The following USP48 variants were observed in gnomAD, a reference collection of about 807,000 sequenced individuals.
The protein encoded by USP48 is ubiquitin carboxyl-terminal hydrolase 48.
USP48 carries 43 observed loss-of-function variants against 150.7 expected under a neutral mutation model. That is an observed-to-expected ratio of 0.29 (90% CI 0.22 to 0.37). The LOEUF is 0.37. USP48 is among the 10% of genes least tolerant of loss of function. The pLI is 1.00. For missense variants in USP48, 813 were observed against 1,249.6 expected (o/e 0.65, Z 5.27); for synonymous variants, 396 against 425.9 (o/e 0.93, Z 0.86).
intron 15 of USP48, among the ~76,000 whole-genome samples, chr1:21,711,867 CG>C (rs1262376357): frequency 6.6e-6 from 1 of 152,200 alleles, no homozygotes; most frequent in Non-Finnish European, 1.5e-5. Context: ...CTGAATGGTA[CG>C]TCCAGAGCAC....
intron 1 of USP48, among the ~76,000 whole-genome samples, chr1:21,767,770 T>A (rs1391654328): frequency 6.6e-6 from 1 of 152,182 alleles, no homozygotes; most frequent in Non-Finnish European, 1.5e-5. Flanking sequence ...AAGTACAGAT[T>A]TTCCTGAAAG....
chr1:21,686,498 A>AC (rs11441631), intron 25 of USP48: 149,409 of 152,320 alleles, frequency 0.98, 73,327 homozygotes, highest in Non-Finnish European at 1. Context: ...CATATGTTGA[A>AC]CATCCTTGCA....
intron 8 of USP48, among the ~76,000 whole-genome samples, chr1:21,745,871 A>G (rs2097793350): frequency 2.0e-5 from 3 of 152,234 alleles, no homozygotes; most frequent in South Asian, 2.1e-4. Context: ...CATAAAGTGA[A>G]CTATAGCTAA....
intron 14 of USP48, among the ~76,000 whole-genome samples, chr1:21,719,122 G>C (rs1045050110): frequency 3.3e-5 from 5 of 150,126 alleles, no homozygotes; most frequent in Admixed American, 6.6e-5. Context: ...AAAATTAGCC[G>C]GGCATGGTGG....
chr1:21,756,492 AAAG>A, intron 3 of USP48, 51 bp downstream of exon 3: 1 of 1,536,496 alleles, frequency 6.5e-7, no homozygotes, highest in Non-Finnish European at 8.7e-7. Flanking sequence ...AAAAAAAAAA[AAAG>A]TTTAAAAAAA....
At chr1:21,776,609 A>G (rs2152653797) in intron 1 of USP48, among the ~76,000 whole-genome samples, 1 of 149,330 alleles carries the variant, frequency 6.7e-6, no homozygotes, top group African/African-American at 2.5e-5. Flanking sequence ...AAAAAAAAAA[A>G]AAAAAAAAAG....
intron 4 of USP48, 28 bp downstream of exon 4, chr1:21,752,964 T>TA (rs752184432): frequency 0.073 from 78,111 of 1,070,832 alleles, 1 homozygote; most frequent in East Asian, 0.082. Flanking sequence ...TCTGAATATT[T>TA]AAAAAAAAAA....
At chr1:21,741,765 C>T (rs1394148578) in intron 8 of USP48, among the ~76,000 whole-genome samples, 4 of 152,058 alleles carry the variant, frequency 2.6e-5, no homozygotes, top group African/African-American at 4.8e-5. Context: ...TGCTTAAGGC[C>T]GTAAGTCCGA....
chr1:21,749,880 G>C (rs532103628), intron 6 of USP48, among the ~76,000 whole-genome samples: 1 of 152,134 alleles, frequency 6.6e-6, no homozygotes. Context: ...TGGGATTATA[G>C]ACATGAGCCA....
chr1:21,687,153 A>G (rs888839575), intron 25 of USP48, 38 bp downstream of exon 25: 12 of 1,601,196 alleles, frequency 7.5e-6, no homozygotes, highest in Non-Finnish European at 1.0e-5. Flanking sequence ...TCCGTCTAAA[A>G]CCTAATCAGC....
intron 3 of USP48, among the ~76,000 whole-genome samples, chr1:21,754,624 G>T (rs185412974): frequency 2.6e-5 from 4 of 152,194 alleles, no homozygotes; most frequent in Non-Finnish European, 5.9e-5. Flanking sequence ...TGCAGGGTTT[G>T]GTTGTGCCTC....
At chr1:21,770,548 C>G (rs1047800479) in intron 1 of USP48, among the ~76,000 whole-genome samples, 2 of 143,570 alleles carry the variant, frequency 1.4e-5, no homozygotes, top group South Asian at 2.2e-4. Context: ...GAGGCATGAT[C>G]TCAGCTCACT....
At chr1:21,706,070 A>G in intron 18 of USP48, 56 bp downstream of exon 18, 1 of 1,562,410 alleles carries the variant, frequency 6.4e-7, no homozygotes, top group Non-Finnish European at 8.8e-7. Context: ...CTTAAAAAAT[A>G]CCAGAGTCAA....
chr1:21,717,404 AAAAAACAAAACAAAACAAAC>A lies in USP48; in HGVS notation c.1895-1967_1895-1948del, dbSNP rs933209452. ...GGGTGAAAGAGAGAGATCCTGTCTA[AAAAAACAAAACAAAACAAAC>A]AAAAACAAAACAAATAAAAAAAAAC... On this transcript the variant is annotated intron_variant, in intron 14 of 26. Transcript: ENST00000308271. 3.8e-4 allele frequency among the ~76,000 whole-genome samples: 57 copies of A among 151,176 alleles called. 3 individuals carry two copies. The South Asian group carries it at 0.01, about 27-fold the overall frequency.
chr1:21,741,746 C>T (rs1403296911), intron 8 of USP48, among the ~76,000 whole-genome samples: 1 of 152,102 alleles, frequency 6.6e-6, no homozygotes, highest in Non-Finnish European at 1.5e-5. Flanking sequence ...TGAGCCGAGG[C>T]AAGAGGACTG....
At chr1:21,712,754 G>A (rs1166341910) in intron 15 of USP48, among the ~76,000 whole-genome samples, 3 of 150,476 alleles carry the variant, frequency 2.0e-5, no homozygotes, top group South Asian at 4.2e-4. Context: ...TCAGCCTCCC[G>A]AGTAGGTGGG....
rs2097918749 is a variant in USP48 at position 21,783,109 on chromosome 1, G to A, written c.-152C>T. 4 of 1,176,730 alleles carry A rather than the reference G, an allele frequency of 3.4e-6. No individual in the cohort carries two copies. The highest frequency in any genetic ancestry group is 3.1e-4 in the Middle Eastern group (1 of 3,272). The allele number at this position is 1,176,730 out of a possible 1,614,324, so 72.9% of individuals were successfully genotyped here. On this transcript the variant is annotated 5_prime_UTR_variant, in exon 1 of 27. Transcript: ENST00000308271. ...CAGTCAATCACCTGTGCGCGCCACT[G>A]CCGCCGCGCCCGCCCGCGCCCGACC...
intron 14 of USP48, among the ~76,000 whole-genome samples, chr1:21,717,900 C>CA (rs2097709218): frequency 6.6e-6 from 1 of 152,300 alleles, no homozygotes; most frequent in Admixed American, 6.5e-5. Flanking sequence ...CACACCACTG[C>CA]ACTCCAGACT....
intron 19 of USP48, 177 bp from the exon 20 acceptor site, chr1:21,704,569 C>T: frequency 3.2e-6 from 2 of 634,750 alleles, no homozygotes; most frequent in Non-Finnish European, 4.9e-6. Context: ...AATGTTACCA[C>T]AGCAGCGAAA....
Sources: allele counts gnomAD v4.1 joint callset (sites outside exome capture counted in the v4.1 genomes callset), GRCh38; gene constraint gnomAD v4.1.1; transcripts MANE v1.5; gene names NCBI Gene and HGNC (gene_info 2026-07-23, HGNC 2026-07-21).